RPS6KA1: variants seen among roughly 807,000 people sequenced by gnomAD.
The protein encoded by RPS6KA1 is ribosomal protein S6 kinase A1, also known as ribosomal protein S6 kinase alpha-1.
In RPS6KA1, 48 loss-of-function variants were observed where a neutral mutation model predicts 91.3. The ratio of observed to expected loss-of-function variants is 0.53; its 90% CI spans 0.42 to 0.67. RPS6KA1 has a LOEUF of 0.67. Among genes scored for constraint, RPS6KA1 ranks in the 30% least tolerant of loss-of-function variants. RPS6KA1 has a pLI of 0.00. For synonymous variants in RPS6KA1, 359 were observed against 384.7 expected (o/e 0.93, Z 0.78); for missense variants, 719 against 960.5 (o/e 0.75, Z 3.32).
chr1:26,566,036 T>G (rs1285821336), intron 17 of RPS6KA1, among the ~76,000 whole-genome samples: 1 of 152,148 alleles, frequency 6.6e-6, no homozygotes, highest in Non-Finnish European at 1.5e-5. Flanking sequence ...GATTGTTGAC[T>G]GTTACAAATA....
At chr1:26,536,903 C>G in intron 1 of RPS6KA1, 22 bp from the exon 2 acceptor site, 1 of 1,613,876 alleles carries the variant, frequency 6.2e-7, no homozygotes, top group Non-Finnish European at 8.5e-7. Context: ...AGTGCTCCCC[C>G]AATCTCCTTT....
intron 17 of RPS6KA1, among the ~76,000 whole-genome samples, chr1:26,563,336 T>C (rs1480488532): frequency 6.6e-6 from 1 of 151,928 alleles, no homozygotes; most frequent in African/African-American, 2.4e-5. Context: ...CAAATGATCC[T>C]CCCACTTCAG....
intron 2 of RPS6KA1, chr1:26,543,286 G>A (rs1403442726): frequency 5.5e-6 from 7 of 1,269,764 alleles, no homozygotes; most frequent in Non-Finnish European, 7.7e-6. Flanking sequence ...GAATGGGTTT[G>A]GGGGTGGCTC....
At chr1:26,566,947 T>C (rs1208650894) in intron 17 of RPS6KA1, among the ~76,000 whole-genome samples, 1 of 152,208 alleles carries the variant, frequency 6.6e-6, no homozygotes, top group Non-Finnish European at 1.5e-5. Context: ...CTGCTGCCAC[T>C]GCTGCTAATG....
At chr1:26,559,030 C>A in intron 14 of RPS6KA1, 93 bp downstream of exon 14, 1 of 1,461,150 alleles carries the variant, frequency 6.8e-7, no homozygotes, top group South Asian at 1.3e-5. Context: ...GGTTCATACC[C>A]TCATGCCACT....
Position 26,554,511 on chromosome 1 carries a change from C to T in RPS6KA1, c.614-85C>T. ...TCATGGGGGTGATGCCTTCTGGCCT[C>T]TGGGCACGGGGGTTGGGTGTGCAAA... On this transcript the variant is annotated intron_variant, in intron 8 of 21. Coordinates refer to ENST00000374168, the MANE Select transcript of RPS6KA1 (RefSeq NM_002953.4). This position sits in a 1 kb window ranked among gnomAD's most constrained non-coding sequence, Gnocchi z 4.6. The T allele has an allele frequency of 6.6e-7, 1 of 1,526,568 alleles. No homozygotes were observed. The highest frequency in any genetic ancestry group is 2.3e-5 in the East Asian group (1 of 43,916). 94.6% of individuals were successfully genotyped at this position (1,526,568 alleles called of 1,614,324 possible). A position where few individuals can be genotyped will look rare whatever the true frequency, so the allele number is the denominator to read the frequency against.
rs960383434 is a variant in RPS6KA1, at chr1:26,543,066, G to T, written c.109-3801G>T. Reference sequence around the variant, plus strand: ...CTGCAGAGGGGGAAGTGAGAAGGAGGGGGGCCAGAGACCCTGCCTTCTGGG... The same window carrying T: ...CTGCAGAGGGGGAAGTGAGAAGGAGTGGGGCCAGAGACCCTGCCTTCTGGG... On this transcript the variant is annotated intron_variant, in intron 2 of 21. Coordinates refer to ENST00000374168, the MANE Select transcript of RPS6KA1 (RefSeq NM_002953.4). 5 of 1,342,194 alleles carry T rather than the reference G, an allele frequency of 3.7e-6. No homozygotes were observed. In the African/African-American group the frequency reaches 4.3e-5, roughly 12 times the overall value. 83.1% of individuals were successfully genotyped at this position (1,342,194 alleles called of 1,614,324 possible). A position where few individuals can be genotyped will look rare whatever the true frequency, so the allele number is the denominator to read the frequency against.
chr1:26,568,378 T>G (rs890966271), intron 17 of RPS6KA1, among the ~76,000 whole-genome samples: 3 of 152,216 alleles, frequency 2.0e-5, no homozygotes, highest in African/African-American at 7.2e-5. Flanking sequence ...TCCCTACTAT[T>G]CTGCCACTGG....
intron 17 of RPS6KA1, among the ~76,000 whole-genome samples, chr1:26,566,443 C>T (rs956967611): frequency 2.6e-5 from 4 of 151,882 alleles, no homozygotes; most frequent in African/African-American, 9.7e-5. Flanking sequence ...ACCCACCACA[C>T]CCAGCTAATT....
Position 26,571,881 on chromosome 1 carries a change from C to A in RPS6KA1, c.1785C>A (p.Cys595Ter). 2 of 1,611,224 alleles carry A rather than the reference C, an allele frequency of 1.2e-6. No individual in the cohort carries two copies. The highest frequency in any genetic ancestry group is 1.7e-6 in the Non-Finnish European group (2 of 1,179,964). ...VLKRQGYDEG[C>*]DIWSLGILLY... Reference sequence around the variant, plus strand: ...AGCGCCAGGGCTACGATGAAGGCTGCGACATCTGGAGCCTGGGCATTCTGC... The same window carrying A: ...AGCGCCAGGGCTACGATGAAGGCTGAGACATCTGGAGCCTGGGCATTCTGC... The change falls in exon 19 of 22, where the codon TGC becomes TGA. Residue 595 changes from cysteine to a stop codon, truncating the protein, a stop_gained. Coordinates refer to ENST00000374168, the MANE Select transcript of RPS6KA1 (RefSeq NM_002953.4). LOFTEE classifies it high-confidence loss of function. The surrounding 1 kb of genome is among the most constrained non-coding windows in gnomAD (Gnocchi z 5.1).
At chr1:26,573,186 C>G (rs766967846) in intron 20 of RPS6KA1, 38 bp from the exon 21 acceptor site, 1 of 1,606,698 alleles carries the variant, frequency 6.2e-7, no homozygotes, top group South Asian at 1.1e-5. Context: ...TGCTCCCCTG[C>G]AGCCCTCCCC....
At chr1:26,537,079 G>T (rs964387223) in intron 2 of RPS6KA1, 110 bp downstream of exon 2, 2 of 1,140,134 alleles carry the variant, frequency 1.8e-6, no homozygotes, top group African/African-American at 1.5e-5. Context: ...CAACTCAGCC[G>T]TCCTTCTCAG....
chr1:26,560,645 T>TGA (rs2076145614), intron 14 of RPS6KA1, 81 bp from the exon 15 acceptor site: 1 of 1,578,688 alleles, frequency 6.3e-7, no homozygotes, highest in Admixed American at 1.7e-5. Context: ...CTGTCTCTAC[T>TGA]GAGCCAAGAC....
chr1:26,562,595 C>G (rs1440822993), intron 17 of RPS6KA1, among the ~76,000 whole-genome samples: 1 of 152,120 alleles, frequency 6.6e-6, no homozygotes, highest in Non-Finnish European at 1.5e-5. Context: ...CAGGTGAGCA[C>G]TAGATGACGG....
At position 26,555,600 on chromosome 1, in the gene RPS6KA1, C is replaced by A; in HGVS notation, c.891C>A (p.Phe297Leu). Residue 297 changes from phenylalanine to leucine, a missense_variant, in exon 11 of 22, where the codon TTC becomes TTA. Transcript: ENST00000374168. The surrounding 1 kb of genome is among the most constrained non-coding windows in gnomAD (Gnocchi z 4.3). ...CCCAGAGCCTCTTGCGGGCCCTGTT[C>A]AAGCGGAATCCTGCCAACCGGCTCG... The part of the protein sequence containing the change: ...TEAQSLLRAL[F>L]KRNPANRLGS... 6.2e-7 allele frequency: 1 copy of A among 1,600,912 alleles called. No individual in the cohort carries two copies. Among genetic ancestry groups the A allele is most frequent in the East Asian group, 2.3e-5 (1 of 44,354 alleles).
chr1:26,543,340 G>A, intron 2 of RPS6KA1: 1 of 768,084 alleles, frequency 1.3e-6, no homozygotes, highest in Non-Finnish European at 2.2e-6. Flanking sequence ...CTGTCCCCAG[G>A]GAGTGCTCTC....
chr1:26,570,615 CAGTA>C (rs2076240918), intron 17 of RPS6KA1, among the ~76,000 whole-genome samples: 2 of 152,180 alleles, frequency 1.3e-5, no homozygotes, highest in African/African-American at 4.8e-5. Flanking sequence ...ATGGCCTCAG[CAGTA>C]AGTGTCATTC....
At chr1:26,533,366 G>T (rs549999913) in intron 1 of RPS6KA1, among the ~76,000 whole-genome samples, 2 of 152,214 alleles carry the variant, frequency 1.3e-5, no homozygotes, top group East Asian at 3.9e-4. Flanking sequence ...AAAGTGCTGG[G>T]ATTACAGACA....
rs754606661 is a variant in RPS6KA1 at position 26,557,112 on chromosome 1, A to G, written c.1084+12A>G. On this transcript the variant is annotated intron_variant, in intron 13 of 21. Coordinates refer to ENST00000374168, the MANE Select transcript of RPS6KA1 (RefSeq NM_002953.4). ...CCGCACACCCAAGGGTGCGTCCCTTATCTGTTTTGTCTGTCTTGGGCTGGT... is the reference window on the plus strand; with the variant it reads ...CCGCACACCCAAGGGTGCGTCCCTTGTCTGTTTTGTCTGTCTTGGGCTGGT... The G allele has an allele frequency of 6.9e-6, 11 of 1,605,408 alleles. No homozygotes were observed. In the South Asian group the frequency reaches 8.8e-5, roughly 13 times the overall value.
Sources: allele counts gnomAD v4.1 joint callset (sites outside exome capture counted in the v4.1 genomes callset), GRCh38; gene constraint gnomAD v4.1.1; non-coding constraint Gnocchi (gnomAD v3.1); transcripts MANE v1.5; gene names NCBI Gene and HGNC (gene_info 2026-07-23, HGNC 2026-07-21).